Variants in TDRD5 observed in about 807,000 individuals in gnomAD.
TDRD5 encodes the protein tudor domain containing 5.
In TDRD5, 41 loss-of-function variants were observed where a neutral mutation model predicts 120.6. The observed-to-expected ratio is 0.34, with a 90% CI of 0.26 to 0.44. The LOEUF is 0.44. TDRD5 is among the 20% of genes least tolerant of loss of function. TDRD5 has a pLI of 1.00. For synonymous variants in TDRD5, 430 were observed against 433.7 expected, an observed-to-expected ratio of 0.99 and a Z score of 0.11; for missense variants, 1,006 against 1,221.2, an observed-to-expected ratio of 0.82 and a Z score of 2.63.
rs140490743 is a variant in TDRD5 at position 179,661,026 on chromosome 1, T to G, written c.2323-1078T>G. Reference sequence around the variant, plus strand: ...CTTCTCCTTTCTGCCCTTCATGGTTTCTGATGCAAAATCCACAGTAATTGA... The same window carrying G: ...CTTCTCCTTTCTGCCCTTCATGGTTGCTGATGCAAAATCCACAGTAATTGA... On this transcript the variant is annotated intron_variant, in intron 14 of 17. Transcript: ENST00000444136. 2.5e-3 allele frequency among the ~76,000 whole-genome samples: 375 copies of G among 152,350 alleles called. 2 individuals carry two copies. Among genetic ancestry groups the G allele is most frequent in the Non-Finnish European group, 3.9e-3 (267 of 68,032 alleles).
At chr1:179,647,522 A>G (rs888108534) in intron 11 of TDRD5, among the ~76,000 whole-genome samples, 3 of 151,586 alleles carry the variant, frequency 2.0e-5, no homozygotes, top group African/African-American at 4.8e-5. Flanking sequence ...AGGCATTACC[A>G]TTCAGGACAT....
intron 16 of TDRD5, among the ~76,000 whole-genome samples, chr1:179,666,845 C>G (rs1338225516): frequency 6.6e-6 from 1 of 152,140 alleles, no homozygotes; most frequent in African/African-American, 2.4e-5. Flanking sequence ...TTATTATAGC[C>G]ATTCTAGTGG....
At chr1:179,672,263 C>A (rs116698730) in intron 17 of TDRD5, among the ~76,000 whole-genome samples, 2,642 of 152,118 alleles carry the variant, frequency 0.017, 55 homozygotes, top group African/African-American at 0.059. Flanking sequence ...CCACCGCATG[C>A]ATGCCAACAT....
At chr1:179,675,255 T>TA (rs1558424023) in intron 17 of TDRD5, among the ~76,000 whole-genome samples, 1 of 116,458 alleles carries the variant, frequency 8.6e-6, no homozygotes, top group East Asian at 2.5e-4. Flanking sequence ...TCAAAGAATT[T>TA]TTATTATTAT....
intron 11 of TDRD5, among the ~76,000 whole-genome samples, chr1:179,646,737 A>T (rs566232054): frequency 2.0e-5 from 3 of 152,202 alleles, no homozygotes; most frequent in Non-Finnish European, 4.4e-5. Flanking sequence ...CCTTAAGCTG[A>T]TGAGCAACTT....
intron 4 of TDRD5, among the ~76,000 whole-genome samples, chr1:179,617,046 A>G (rs1340495988): frequency 6.6e-6 from 1 of 152,206 alleles, no homozygotes; most frequent in Non-Finnish European, 1.5e-5. Flanking sequence ...AAATTATCTC[A>G]TGGCAACTAC....
intron 6 of TDRD5, among the ~76,000 whole-genome samples, chr1:179,625,629 C>T (rs1677082379): frequency 6.6e-6 from 1 of 152,086 alleles, no homozygotes; most frequent in Non-Finnish European, 1.5e-5. Flanking sequence ...GTGTATTTAT[C>T]CTTTGACCCA....
At chr1:179,629,980 C>CTT (rs34963950) in intron 6 of TDRD5, among the ~76,000 whole-genome samples, 73 of 139,394 alleles carry the variant, frequency 5.2e-4, no homozygotes, top group East Asian at 1.6e-3. Context: ...TTTATTCCAA[C>CTT]TTTTTTTTTT....
intron 7 of TDRD5, among the ~76,000 whole-genome samples, chr1:179,633,065 A>G (rs1193099449): frequency 6.6e-6 from 1 of 152,218 alleles, no homozygotes; most frequent in Non-Finnish European, 1.5e-5. Context: ...TCACTTTCAT[A>G]CCATAAGAAA....
chr1:179,608,603 G>A (rs945651331), intron 4 of TDRD5, among the ~76,000 whole-genome samples: 5 of 152,132 alleles, frequency 3.3e-5, no homozygotes, highest in South Asian at 2.1e-4. Context: ...GGTATTCCAC[G>A]TGGGTCTTTT....
In TDRD5 at chr1:179,654,365, A is replaced by G. The variant is rs2102071433; in HGVS notation, c.2322+3A>G. The G allele has an allele frequency of 6.6e-7, 1 of 1,524,908 alleles. No individual in the cohort carries two copies. The allele number at this position is 1,524,908 out of a possible 1,614,324, so 94.5% of individuals were successfully genotyped here. A position where few individuals can be genotyped will look rare whatever the true frequency, so the allele number is the denominator to read the frequency against. On this transcript the variant is annotated splice_donor_region_variant and intron_variant, in intron 14 of 17. Transcript: ENST00000444136. ...ACGATCTGAAGGAAGAAAATGAGGT[A>G]GGAGAAGGAAAGATAGTCTTTGAAT...
intron 6 of TDRD5, among the ~76,000 whole-genome samples, chr1:179,627,636 T>G (rs1677201541): frequency 6.6e-6 from 1 of 152,166 alleles, no homozygotes; most frequent in Admixed American, 6.5e-5. Context: ...TAGGTTCACA[T>G]TAGAGCTTAG....
intron 1 of TDRD5, 117 bp from the exon 2 acceptor site, chr1:179,592,485 T>A: frequency 1.3e-6 from 1 of 776,080 alleles, no homozygotes; most frequent in Middle Eastern, 3.2e-4. Context: ...TACTACTACT[T>A]CTGCCTTATT....
intron 4 of TDRD5, among the ~76,000 whole-genome samples, chr1:179,601,466 C>T (rs937711657): frequency 1.3e-5 from 2 of 152,130 alleles, no homozygotes; most frequent in African/African-American, 4.8e-5. Context: ...CATTCTTATG[C>T]CTAGGCGTCC....
chr1:179,680,139 T>C (rs1321732657), intron 17 of TDRD5, among the ~76,000 whole-genome samples: 2 of 152,180 alleles, frequency 1.3e-5, no homozygotes, highest in African/African-American at 4.8e-5. Flanking sequence ...TTTCTATTGT[T>C]TATTTCTAAT....
At chr1:179,637,328 G>A (rs908187139) in intron 9 of TDRD5, among the ~76,000 whole-genome samples, 5 of 152,134 alleles carry the variant, frequency 3.3e-5, no homozygotes, top group Admixed American at 6.5e-5. Context: ...TGACCTTGAA[G>A]TTACTTTACT....
intron 8 of TDRD5, among the ~76,000 whole-genome samples, chr1:179,634,976 A>C (rs553831933): frequency 1.3e-5 from 2 of 152,182 alleles, no homozygotes; most frequent in Admixed American, 6.5e-5. Flanking sequence ...TTGCCTCTAC[A>C]CTCATCCTCA....
In TDRD5 at chr1:179,690,770, C is replaced by T. The variant is rs771332017; in HGVS notation, c.2935C>T (p.Arg979Cys). The T allele has an allele frequency of 1.4e-5, 22 of 1,614,052 alleles. No individual in the cohort carries two copies. The highest frequency in any genetic ancestry group is 8.3e-5 in the Admixed American group (5 of 60,002). ...TGCTATTACATTGTACAAAGACAAG[C>T]GTCAAGAATCTGTAGACCAGCTGTC... Reference protein sequence around the residue: ...SRAITLYKDKRQESVDQLSLI... With the variant: ...SRAITLYKDKCQESVDQLSLI... The change falls in exon 18 of 18, where the codon CGT (arginine) becomes TGT (cysteine). Residue 979 changes from arginine to cysteine, a missense_variant. Arg to Cys is a radical substitution (Grantham distance 180). Around this residue, in one of 3 missense-constraint regions of TDRD5, gnomAD observed 403 missense variants for 448.1 expected, o/e 0.90. Coordinates refer to ENST00000444136, the MANE Select transcript of TDRD5 (RefSeq NM_001199085.3).
intron 17 of TDRD5, 126 bp from the exon 18 acceptor site, chr1:179,690,570 T>C: frequency 7.7e-7 from 1 of 1,293,678 alleles, no homozygotes; most frequent in Non-Finnish European, 1.1e-6. Flanking sequence ...GATTAGCCAT[T>C]GGTAATTGTC....
Sources: gnomAD v4.1 joint callset for allele counts (sites outside exome capture counted in the v4.1 genomes callset) on GRCh38, gnomAD v4.1.1 for gene constraint, gnomAD v4.1.1 regional missense constraint, MANE v1.5 for transcripts, NCBI Gene and HGNC (gene_info 2026-07-23, HGNC 2026-07-21) for gene names.